ASIC2: variants seen among roughly 807,000 people sequenced by gnomAD.
ASIC2 encodes acid-sensing ion channel 2.
Under a neutral mutation model 57.3 loss-of-function variants are expected in ASIC2, and 25 were observed. That is an observed-to-expected ratio of 0.44 (90% confidence interval 0.32 to 0.61). The LOEUF is 0.61. ASIC2 is among the 20% of genes least tolerant of loss of function. The pLI, the probability that ASIC2 is intolerant of heterozygous loss-of-function variation, is 0.06. For missense variants in ASIC2, 641 were observed against 738.1 expected (o/e 0.87, Z 1.52); for synonymous variants, 319 against 307.5 (o/e 1.04, Z -0.39).
At chr17:33,599,951 C>G (rs999706997) in intron 1 of ASIC2, among the ~76,000 whole-genome samples, 10 of 152,200 alleles carry the variant, frequency 6.6e-5, no homozygotes, top group African/African-American at 2.4e-4. Flanking sequence ...TTCTTTTTCT[C>G]TCCTTGTGAG....
chr17:33,024,375 C>G (rs1026227276), intron 5 of ASIC2, among the ~76,000 whole-genome samples: 4 of 152,096 alleles, frequency 2.6e-5, no homozygotes, highest in African/African-American at 9.7e-5. Flanking sequence ...ATGTAGGAGA[C>G]CATTTTATCT....
intron 1 of ASIC2, among the ~76,000 whole-genome samples, chr17:33,134,646 T>A (rs766724196): frequency 6.6e-6 from 1 of 152,238 alleles, no homozygotes; most frequent in Non-Finnish European, 1.5e-5. Context: ...TGGATAATTC[T>A]GGATGGTAAG....
At chr17:33,822,000 C>T (rs184205990) in intron 1 of ASIC2, among the ~76,000 whole-genome samples, 33 of 152,240 alleles carry the variant, frequency 2.2e-4, no homozygotes, top group African/African-American at 7.0e-4. Flanking sequence ...GAAAGAGATA[C>T]GAACTGGTTG....
intron 1 of ASIC2, among the ~76,000 whole-genome samples, chr17:34,145,044 C>G (rs529839440): frequency 6.6e-6 from 1 of 152,322 alleles, no homozygotes; most frequent in East Asian, 1.9e-4. Context: ...AGGGTTGGCT[C>G]TAGCTCCCAG....
intron 1 of ASIC2, chr17:33,955,248 A>G (rs988231101): frequency 2.6e-5 from 4 of 152,330 alleles, no homozygotes; most frequent in Admixed American, 6.5e-5. Flanking sequence ...AGTATGGCCA[A>G]TGAAGGGTCA....
chr17:33,194,014 C>CCT, intron 1 of ASIC2, among the ~76,000 whole-genome samples: 1 of 152,120 alleles, frequency 6.6e-6, no homozygotes. Context: ...GACACCAGAT[C>CCT]TGCAGCACCT....
chr17:33,868,402 A>C (rs2036703165), intron 1 of ASIC2, among the ~76,000 whole-genome samples: 1 of 152,218 alleles, frequency 6.6e-6, no homozygotes, highest in South Asian at 2.1e-4. Flanking sequence ...AGCCATAAGC[A>C]CAAGAATGAA....
At chr17:33,358,818 C>T (rs1908487769) in intron 1 of ASIC2, among the ~76,000 whole-genome samples, 1 of 152,148 alleles carries the variant, frequency 6.6e-6, no homozygotes, top group African/African-American at 2.4e-5. Context: ...TTAGGGACCT[C>T]TTTGTATTTT....
chr17:33,596,928 A>G (rs977612153), intron 1 of ASIC2, among the ~76,000 whole-genome samples: 1 of 152,248 alleles, frequency 6.6e-6, no homozygotes, highest in Non-Finnish European at 1.5e-5. Context: ...CACAAAGTCA[A>G]ACAGCTCATG....
chr17:33,815,395 C>T (rs1476805513), intron 1 of ASIC2, among the ~76,000 whole-genome samples: 2 of 152,180 alleles, frequency 1.3e-5, no homozygotes, highest in Non-Finnish European at 2.9e-5. Context: ...AATCCTCCAG[C>T]ACTGCTCATG....
At chr17:33,602,235 C>T (rs1238214312) in intron 1 of ASIC2, among the ~76,000 whole-genome samples, 1 of 152,178 alleles carries the variant, frequency 6.6e-6, no homozygotes, top group Non-Finnish European at 1.5e-5. Flanking sequence ...GAGCCAGAAG[C>T]CAAATGCTGT....
chr17:33,432,783 C>T (rs1295326081), intron 1 of ASIC2, among the ~76,000 whole-genome samples: 1 of 152,002 alleles, frequency 6.6e-6, no homozygotes, highest in African/African-American at 2.4e-5. Flanking sequence ...ATACACGTGA[C>T]CAACAAGCAT....
At position 33,590,795 on chromosome 17, in the gene ASIC2, C is replaced by G. The variant is rs1177317253; in HGVS notation, c.556-478728G>C. Among the ~76,000 whole-genome samples, 4 of 152,362 alleles carry G rather than the reference C, an allele frequency of 2.6e-5. No individual in the cohort carries two copies. In the East Asian group the frequency reaches 7.7e-4, roughly 29 times the overall value. On this transcript the variant is annotated intron_variant, in intron 1 of 9. Transcript: ENST00000359872. ...AAAGGAAGCCAGGCTGCCGTTTTCA[C>G]TTAGAGTGTCCACAGGTCTGCATGG...
intron 1 of ASIC2, among the ~76,000 whole-genome samples, chr17:33,787,463 C>T (rs959342537): frequency 2.6e-5 from 4 of 152,116 alleles, no homozygotes; most frequent in Non-Finnish European, 4.4e-5. Flanking sequence ...TAAATTAGAG[C>T]GTGAAGCCAT....
chr17:33,988,408 T>C (rs962419960), intron 1 of ASIC2, among the ~76,000 whole-genome samples: 5 of 152,210 alleles, frequency 3.3e-5, no homozygotes, highest in Non-Finnish European at 5.9e-5. Flanking sequence ...ACAAGCTCTC[T>C]CTTTTTGCCT....
intron 1 of ASIC2, among the ~76,000 whole-genome samples, chr17:33,874,458 G>T (rs1914502456): frequency 6.6e-6 from 1 of 152,152 alleles, no homozygotes; most frequent in Non-Finnish European, 1.5e-5. Flanking sequence ...TGGGTGTTCT[G>T]TATTTTCATT....
intron 1 of ASIC2, among the ~76,000 whole-genome samples, chr17:33,840,694 G>C (rs1597898046): frequency 6.6e-6 from 1 of 152,036 alleles, no homozygotes; most frequent in Non-Finnish European, 1.5e-5. Context: ...CTATAGGCTA[G>C]GAATTCATGG....
chr17:33,395,566 C>T (rs968659692), intron 1 of ASIC2, among the ~76,000 whole-genome samples: 16 of 152,208 alleles, frequency 1.1e-4, no homozygotes, highest in African/African-American at 3.6e-4. Flanking sequence ...TGGGTGGAGA[C>T]AGGGCCAAAC....
rs1597669615 is a variant in ASIC2, at chr17:33,292,551, C to G, written c.-436G>C. The G allele has an allele frequency of 1.0e-6, 1 of 985,856 alleles. No homozygotes were observed. Among genetic ancestry groups the G allele is most frequent in the Non-Finnish European group, 1.2e-6 (1 of 830,304 alleles). 61.1% of individuals were successfully genotyped at this position (985,856 alleles called of 1,614,324 possible). A position where few individuals can be genotyped will look rare whatever the true frequency, so the allele number is the denominator to read the frequency against. On this transcript the variant is annotated 5_prime_UTR_variant, in exon 1 of 10. Transcript: ENST00000225823. ...GCCCCGCCTAACCCCAGCTTTTACG[C>G]TGGTCCTGGGAGAAGGGCCACTCGG...
Sources: allele counts gnomAD v4.1 joint callset (sites outside exome capture counted in the v4.1 genomes callset), GRCh38; gene constraint gnomAD v4.1.1; transcripts MANE v1.5; gene names NCBI Gene and HGNC (gene_info 2026-07-23, HGNC 2026-07-21).